Variants in SLC7A2 observed in about 807,000 individuals in gnomAD.
The protein encoded by SLC7A2 is solute carrier family 7 member 2.
SLC7A2 carries 48 observed loss-of-function variants against 58.9 expected under a neutral mutation model. That is an observed-to-expected ratio of 0.82 (90% CI 0.65 to 1.04). SLC7A2 has a LOEUF of 1.04. Ranked by LOEUF, SLC7A2 falls within the 50% of genes least tolerant of loss-of-function variation. SLC7A2 has a pLI of 0.00. For missense variants in SLC7A2, 1,029 were observed against 818.8 expected (o/e 1.26, Z -3.13); for synonymous variants, 363 against 314.5 (o/e 1.15, Z -1.63).
intron 2 of SLC7A2, among the ~76,000 whole-genome samples, chr8:17,534,402 C>T (rs1179502962): frequency 1.3e-5 from 2 of 152,180 alleles, no homozygotes; most frequent in Admixed American, 6.5e-5. Flanking sequence ...CCTGTCATCA[C>T]AACGGATAAC....
intron 10 of SLC7A2, among the ~76,000 whole-genome samples, chr8:17,561,268 G>A (rs1802968167): frequency 6.6e-6 from 1 of 152,154 alleles, no homozygotes; most frequent in Non-Finnish European, 1.5e-5. Flanking sequence ...AAGGTTTAAT[G>A]GGCTTACAGT....
rs181198432 is a variant in SLC7A2 at position 17,498,433 on chromosome 8, A to G, written c.-69+1196A>G. Among the ~76,000 whole-genome samples, 251 of 152,298 alleles carry G rather than the reference A, an allele frequency of 1.6e-3. 1 individual carries two copies. The highest frequency in any genetic ancestry group is 6.8e-3 in the Middle Eastern group (2 of 294). Reference sequence around the variant, plus strand: ...TCTCTAGGAGATGTATAAGATGTGAATATTCTGTATTATGTACCTTGTTAG... The same window carrying G: ...TCTCTAGGAGATGTATAAGATGTGAGTATTCTGTATTATGTACCTTGTTAG... On this transcript the variant is annotated intron_variant, in intron 1 of 12. Coordinates refer to ENST00000494857, the MANE Select transcript of SLC7A2 (RefSeq NM_001370338.1).
intron 1 of SLC7A2, among the ~76,000 whole-genome samples, chr8:17,498,315 T>G (rs1358896523): frequency 6.6e-6 from 1 of 152,238 alleles, no homozygotes; most frequent in Non-Finnish European, 1.5e-5. Context: ...TATGTGGCCT[T>G]GACTTGATAC....
intron 2 of SLC7A2, chr8:17,539,055 T>G (rs1801797668): frequency 1.3e-6 from 1 of 750,930 alleles, no homozygotes; most frequent in Non-Finnish European, 2.2e-6. Flanking sequence ...TGAACTAAAG[T>G]GAAAATCCAG....
At chr8:17,534,731 C>G (rs1488821248) in intron 2 of SLC7A2, among the ~76,000 whole-genome samples, 1 of 150,662 alleles carries the variant, frequency 6.6e-6, no homozygotes, top group African/African-American at 2.4e-5. Context: ...AAACAGTACC[C>G]TCCTTGCACA....
chr8:17,537,286 G>C (rs548263831), intron 2 of SLC7A2, among the ~76,000 whole-genome samples: 1 of 152,134 alleles, frequency 6.6e-6, no homozygotes, highest in South Asian at 2.1e-4. Context: ...CAAAACTCCT[G>C]ACCTCAAGTG....
rs1198462540 is a variant in SLC7A2, at chr8:17,568,003, A to G, written c.*2857A>G. The G allele has an allele frequency of 9.6e-6, 1 of 104,020 alleles. No individual in the cohort carries two copies. The highest frequency in any genetic ancestry group is 1.8e-5 in the Non-Finnish European group (1 of 54,170). 6.4% of individuals were successfully genotyped at this position (104,020 alleles called of 1,614,324 possible). On this transcript the variant is annotated 3_prime_UTR_variant, in exon 13 of 13. Transcript: ENST00000494857. The stretch of plus-strand genomic sequence containing the variant: ...CCTTTCTGTTTCTGCTTGTGAATTC[A>G]TAATGTTTTCAACTAAATTTTTTTT...
At chr8:17,551,048 G>A (rs545722513) in intron 6 of SLC7A2, among the ~76,000 whole-genome samples, 12 of 152,270 alleles carry the variant, frequency 7.9e-5, no homozygotes, top group African/African-American at 2.9e-4. Context: ...CTGAAGCCTT[G>A]ATACTTAAGG....
chr8:17,500,801 C>CAG (rs1405251371), intron 1 of SLC7A2, among the ~76,000 whole-genome samples: 35 of 2,146 alleles, frequency 0.016, no homozygotes, highest in Admixed American at 0.032. Flanking sequence ...CACACACATA[C>CAG]ACACACACAC....
chr8:17,562,615 G>A (rs1803073587), intron 11 of SLC7A2, among the ~76,000 whole-genome samples: 1 of 152,164 alleles, frequency 6.6e-6, no homozygotes, highest in East Asian at 1.9e-4. Flanking sequence ...TGGTTAGCCA[G>A]TGAATGAGAG....
At chr8:17,546,543 CT>C (rs1802182818) in intron 4 of SLC7A2, among the ~76,000 whole-genome samples, 1 of 152,164 alleles carries the variant, frequency 6.6e-6, no homozygotes, top group Non-Finnish European at 1.5e-5. Context: ...TGCATATATG[CT>C]GTTGGGAAAC....
intron 10 of SLC7A2, 35 bp from the exon 11 acceptor site, chr8:17,561,909 T>A: frequency 6.2e-7 from 1 of 1,605,252 alleles, no homozygotes; most frequent in Non-Finnish European, 8.5e-7. Context: ...TGGAGCACAG[T>A]GTGCTGACTC....
chr8:17,539,538 A>T (rs1270513695), intron 2 of SLC7A2, among the ~76,000 whole-genome samples: 1 of 152,208 alleles, frequency 6.6e-6, no homozygotes, highest in African/African-American at 2.4e-5. Context: ...TTATTGAAGA[A>T]AGATATCTGT....
chr8:17,517,137 T>TA (rs1800835240), intron 2 of SLC7A2, among the ~76,000 whole-genome samples: 1 of 152,198 alleles, frequency 6.6e-6, no homozygotes, highest in African/African-American at 2.4e-5. Flanking sequence ...TAAACACACA[T>TA]TCCTTGCATG....
At position 17,518,569 on chromosome 8, in the gene SLC7A2, G is replaced by A. The variant is rs73666176; in HGVS notation, c.-23+16267G>A. On this transcript the variant is annotated intron_variant, in intron 2 of 12. Transcript: ENST00000494857. ...TGAGCTCTGGAAAAATGTAAACTTC[G>A]TGTTTGTCTCTTTAGATGGTGCAAA... Among the ~76,000 whole-genome samples, 281 of 152,158 alleles carry A rather than the reference G, an allele frequency of 1.8e-3. 2 individuals carry two copies. Among genetic ancestry groups the A allele is most frequent in the African/African-American group, 6.4e-3 (266 of 41,516 alleles).
chr8:17,520,958 C>T (rs994500813), intron 2 of SLC7A2, among the ~76,000 whole-genome samples: 1 of 152,042 alleles, frequency 6.6e-6, no homozygotes, highest in Admixed American at 6.6e-5. Context: ...ATACATGTTA[C>T]GGAAATGACC....
chr8:17,533,929 G>C (rs932247625), intron 2 of SLC7A2, among the ~76,000 whole-genome samples: 2 of 151,960 alleles, frequency 1.3e-5, no homozygotes, highest in East Asian at 3.9e-4. Context: ...CCCACCCCCT[G>C]ACAGGCCCCA....
At chr8:17,545,069 G>A (rs1277508656) in intron 4 of SLC7A2, among the ~76,000 whole-genome samples, 3 of 152,154 alleles carry the variant, frequency 2.0e-5, no homozygotes, top group Admixed American at 2.0e-4. Context: ...CTAATCACCT[G>A]TCATTTTGTA....
At chr8:17,536,996 G>A (rs115896799) in intron 2 of SLC7A2, among the ~76,000 whole-genome samples, 1,565 of 152,288 alleles carry the variant, frequency 0.01, 15 homozygotes, top group African/African-American at 0.021. Context: ...CTGCCTCCCT[G>A]CTGGGGCAGC....
Sources: allele counts gnomAD v4.1 joint callset (sites outside exome capture counted in the v4.1 genomes callset), GRCh38; gene constraint gnomAD v4.1.1; transcripts MANE v1.5; gene names NCBI Gene and HGNC (gene_info 2026-07-23, HGNC 2026-07-21).